Variants in RSRC1 observed in about 807,000 individuals in gnomAD.
RSRC1 encodes arginine and serine rich coiled-coil 1, also known as serine/Arginine-related protein 53.
Under a neutral mutation model 49.1 loss-of-function variants are expected in RSRC1, and 39 were observed. That is an observed-to-expected ratio of 0.79 (90% CI 0.61 to 1.04). The LOEUF is 1.04. RSRC1 is among the 50% of genes least tolerant of loss of function. The probability of loss-of-function intolerance (pLI) is 0.00; values close to 1 mark genes in which losing one functional copy is unlikely to be tolerated. For synonymous variants in RSRC1, 143 were observed against 130.8 expected, an observed-to-expected ratio of 1.09 and a Z score of -0.63; for missense variants, 388 against 402.4, an observed-to-expected ratio of 0.96 and a Z score of 0.31.
intron 5 of RSRC1, among the ~76,000 whole-genome samples, chr3:158,323,684 T>A (rs1728893608): frequency 6.6e-6 from 1 of 152,236 alleles, no homozygotes; most frequent in South Asian, 2.1e-4. Context: ...CTTGCTGTTC[T>A]TACTAGATAA....
chr3:158,527,986 G>T (rs1238387507), intron 7 of RSRC1, among the ~76,000 whole-genome samples: 1 of 151,526 alleles, frequency 6.6e-6, no homozygotes, highest in Non-Finnish European at 1.5e-5. Context: ...AATGTATGTG[G>T]TATGTGTATA....
chr3:158,250,444 G>T (rs1724144110), intron 4 of RSRC1, among the ~76,000 whole-genome samples: 1 of 152,126 alleles, frequency 6.6e-6, no homozygotes, highest in African/African-American at 2.4e-5. Context: ...AGTGTACAAG[G>T]CTACCCTTTT....
chr3:158,330,014 G>T (rs771191554), intron 5 of RSRC1, among the ~76,000 whole-genome samples: 19 of 152,196 alleles, frequency 1.2e-4, no homozygotes, highest in Non-Finnish European at 2.1e-4. Flanking sequence ...AGGCTCCGTG[G>T]GCGTTGGACC....
rs1230649090 is a variant in RSRC1, at chr3:158,353,995, C to CTTTTTTTT, written c.532-848_532-841dup. 1.5e-3 allele frequency among the ~76,000 whole-genome samples: 148 copies of CTTTTTTTT among 96,290 alleles called. 3 individuals are homozygous for CTTTTTTTT. Among genetic ancestry groups the CTTTTTTTT allele is most frequent in the African/African-American group, 3.5e-3 (84 of 24,264 alleles). 63.2% of individuals were successfully genotyped at this position (96,290 alleles called of 152,430 possible). On this transcript the variant is annotated intron_variant, in intron 5 of 9. Coordinates refer to ENST00000611884, the MANE Select transcript of RSRC1 (RefSeq NM_001271838.2). ...TAGGAAATTAGTTTAGTTTCTTTTTCTTTTTTTTTTTTTTTTTTTTTGAGA... is the reference window on the plus strand; with the variant it reads ...TAGGAAATTAGTTTAGTTTCTTTTTCTTTTTTTTTTTTTTTTTTTTTTTTTTTTTGAGA...
intron 5 of RSRC1, among the ~76,000 whole-genome samples, chr3:158,316,402 CCTGCTTTTTCTAATCAGTCCA>C (rs1728447745): frequency 6.7e-6 from 1 of 150,002 alleles, no homozygotes; most frequent in Non-Finnish European, 1.5e-5. Context: ...CATTTTTCCA[CCTGCTTTTTCTAATCAGTCCA>C]CTGCAGAATC....
At chr3:158,529,438 A>G (rs1712250099) in intron 7 of RSRC1, among the ~76,000 whole-genome samples, 1 of 151,836 alleles carries the variant, frequency 6.6e-6, no homozygotes, top group South Asian at 2.1e-4. Flanking sequence ...CAGTTGTACC[A>G]CCAACTAGCC....
At chr3:158,207,098 C>T (rs1452923115) in intron 4 of RSRC1, among the ~76,000 whole-genome samples, 6 of 152,138 alleles carry the variant, frequency 3.9e-5, no homozygotes, top group African/African-American at 1.4e-4. Flanking sequence ...CAGAGTTAGG[C>T]TTCTAATTCA....
chr3:158,208,337 T>C (rs2108285278), intron 4 of RSRC1, among the ~76,000 whole-genome samples: 1 of 152,258 alleles, frequency 6.6e-6, no homozygotes, highest in South Asian at 2.1e-4. Flanking sequence ...GGCTACTCCG[T>C]AGTCAGAGCA....
chr3:158,125,420 T>G (rs146096882), intron 3 of RSRC1, among the ~76,000 whole-genome samples: 4 of 152,132 alleles, frequency 2.6e-5, no homozygotes, highest in Non-Finnish European at 5.9e-5. Context: ...TGTGTGTTTG[T>G]GTTTTCATTT....
chr3:158,409,331 A>G (rs1734310535), intron 6 of RSRC1, among the ~76,000 whole-genome samples: 1 of 152,216 alleles, frequency 6.6e-6, no homozygotes, highest in Non-Finnish European at 1.5e-5. Flanking sequence ...AAGTGAGAGC[A>G]ACTAGAGGGA....
chr3:158,488,214 T>C (rs1738910521), intron 7 of RSRC1, among the ~76,000 whole-genome samples: 1 of 152,068 alleles, frequency 6.6e-6, no homozygotes, highest in Non-Finnish European at 1.5e-5. Flanking sequence ...GCAAGGGTGA[T>C]ATGTAATTTT....
chr3:158,311,575 C>A (rs1335762558), intron 5 of RSRC1, among the ~76,000 whole-genome samples: 1 of 151,860 alleles, frequency 6.6e-6, no homozygotes, highest in Admixed American at 6.6e-5. Context: ...CCCTTTTCCT[C>A]TACACACATA....
In RSRC1 at chr3:158,137,864, G is replaced by T. The variant is rs1223023940; in HGVS notation, c.320+13873G>T. ...AGACAGGGTTTCGCCATGTTGGCCA[G>T]ACTGGTCTCGAATTCCTGACCTCCT... On this transcript the variant is annotated intron_variant, in intron 3 of 9. Transcript: ENST00000611884. 2.0e-5 allele frequency among the ~76,000 whole-genome samples: 3 copies of T among 152,020 alleles called. No homozygotes were observed. In the South Asian group the frequency reaches 6.2e-4, roughly 32 times the overall value.
At chr3:158,169,754 C>T (rs1022956786) in intron 3 of RSRC1, among the ~76,000 whole-genome samples, 5 of 151,994 alleles carry the variant, frequency 3.3e-5, no homozygotes, top group Admixed American at 6.6e-5. Flanking sequence ...TATTAAGATC[C>T]TCAGTTTCTA....
At chr3:158,364,816 A>T (rs199571420) in intron 6 of RSRC1, among the ~76,000 whole-genome samples, 127 of 144,208 alleles carry the variant, frequency 8.8e-4, no homozygotes, top group African/African-American at 2.7e-3. Flanking sequence ...AGAATGGGAA[A>T]AATAATAATA....
intron 5 of RSRC1, among the ~76,000 whole-genome samples, chr3:158,352,888 T>C (rs898597064): frequency 2.0e-5 from 3 of 152,244 alleles, no homozygotes; most frequent in Admixed American, 1.3e-4. Context: ...TTTGCATTAA[T>C]GGCTTGATAC....
At chr3:158,132,643 A>G (rs1259496076) in intron 3 of RSRC1, among the ~76,000 whole-genome samples, 2 of 152,176 alleles carry the variant, frequency 1.3e-5, no homozygotes, top group East Asian at 1.9e-4. Flanking sequence ...TTCACATAAC[A>G]TCTAAGTAGT....
At chr3:158,236,186 A>G (rs576175031) in intron 4 of RSRC1, among the ~76,000 whole-genome samples, 1 of 152,120 alleles carries the variant, frequency 6.6e-6, no homozygotes, top group South Asian at 2.1e-4. Flanking sequence ...TACAAAGGTA[A>G]TTCAATATTG....
intron 6 of RSRC1, among the ~76,000 whole-genome samples, chr3:158,424,056 C>T (rs979222353): frequency 5.3e-5 from 8 of 151,778 alleles, no homozygotes; most frequent in African/African-American, 1.9e-4. Flanking sequence ...TAATTGAATA[C>T]CCTTTATTTC....
Sources: allele counts gnomAD v4.1 joint callset (sites outside exome capture counted in the v4.1 genomes callset), GRCh38; gene constraint gnomAD v4.1.1; transcripts MANE v1.5; gene names NCBI Gene and HGNC (gene_info 2026-07-23, HGNC 2026-07-21).